Variants in SALL4 observed in about 807,000 individuals in gnomAD.
SALL4 encodes spalt like transcription factor 4, also known as sal-like protein 4.
Under a neutral mutation model 60.8 loss-of-function variants are expected in SALL4, and 4 were observed. The ratio of observed to expected loss-of-function variants is 0.07; its 90% CI spans 0.03 to 0.15. SALL4 has a LOEUF of 0.15. Ranked by LOEUF, SALL4 falls within the 10% of genes least tolerant of loss-of-function variation. The probability of loss-of-function intolerance (pLI) is 1.00; values close to 1 mark genes in which losing one functional copy is unlikely to be tolerated. For missense variants in SALL4, 1,178 were observed against 1,394.7 expected (o/e 0.84, Z 2.48); for synonymous variants, 580 against 574.9 (o/e 1.01, Z -0.13).
rs1192411704 is a variant in SALL4, at chr20:51,790,989, G to A, written c.1494C>T (p.Leu498=). 6.2e-7 allele frequency: 1 copy of A among 1,614,184 alleles called. No individual in the cohort carries two copies. Among genetic ancestry groups the A allele is most frequent in the Non-Finnish European group, 8.5e-7 (1 of 1,180,030 alleles). The change falls in exon 2 of 4, where the codon CTC becomes CTT. Residue 498 remains leucine, a synonymous_variant. Transcript: ENST00000217086. This position sits in a 1 kb window ranked among gnomAD's most constrained non-coding sequence, Gnocchi z 5.5. ...GGTCACCGGGCAAGGAGCCACCCGT[G>A]AGGTCCTTGGGATTAGTCCCCGAAG... ...NLSSGTNPKD[L]TGGSLPGDLQ...
chr20:51,794,583 A>G (rs1346780849), intron 1 of SALL4, among the ~76,000 whole-genome samples: 1 of 152,170 alleles, frequency 6.6e-6, no homozygotes, highest in Non-Finnish European at 1.5e-5. Context: ...TGAAAAAATA[A>G]AGATGTGAAA....
intron 3 of SALL4, among the ~76,000 whole-genome samples, chr20:51,786,288 G>A (rs979560091): frequency 6.6e-6 from 1 of 151,724 alleles, no homozygotes; most frequent in African/African-American, 2.4e-5. Context: ...TAGAGACAGG[G>A]TTTCATCGTG....
Position 51,782,666 on chromosome 20 carries a change from A to G in SALL4, c.*1599T>C, listed in dbSNP as rs1448189349. 1 of 151,940 alleles carries G rather than the reference A, an allele frequency of 6.6e-6. No individual in the cohort carries two copies. The highest frequency in any genetic ancestry group is 2.4e-5 in the African/African-American group (1 of 41,376). The allele number at this position is 151,940 out of a possible 1,614,324, so 9.4% of individuals were successfully genotyped here. Reference sequence around the variant, plus strand: ...GCATATTTCCGTCAGGACCTTCCACATAGAGGGGAAAGACTTTTCTCCCAG... The same window carrying G: ...GCATATTTCCGTCAGGACCTTCCACGTAGAGGGGAAAGACTTTTCTCCCAG... On this transcript the variant is annotated 3_prime_UTR_variant, in exon 4 of 4. Transcript: ENST00000217086.
Position 51,790,910 on chromosome 20 carries a change from C to G in SALL4, c.1573G>C (p.Gly525Arg), listed in dbSNP as rs772560924. The G allele has an allele frequency of 6.2e-7, 1 of 1,614,112 alleles. No homozygotes were observed. Among genetic ancestry groups the G allele is most frequent in the Non-Finnish European group, 8.5e-7 (1 of 1,180,030 alleles). The change falls in exon 2 of 4, where the codon GGA (glycine) becomes CGA (arginine). Residue 525 changes from glycine to arginine, a missense_variant. Around this residue, in one of 5 missense-constraint regions of SALL4, gnomAD observed 853 missense variants for 1,036.8 expected, o/e 0.82. Transcript: ENST00000217086. This position sits in a 1 kb window ranked among gnomAD's most constrained non-coding sequence, Gnocchi z 5.5. ...SEGGPTLPGV[G>R]PNYNSPRAGG... ...GCCCTTGGGGAATTATAGTTTGGTC[C>G]CACCCCAGGGAGTGTGGGTCCACCC... is the stretch of plus-strand genomic sequence containing the variant.
rs2078020389 is a variant in SALL4, at chr20:51,789,693, GT to G, written c.2461+328del. Among the ~76,000 whole-genome samples the G allele has an allele frequency of 2.0e-5, 3 of 152,100 alleles. No homozygotes were observed. The South Asian group carries it at 6.2e-4, about 32-fold the overall frequency. ...TAAGACACCCATATACAGAATCATAGTGTGGAGAAACAAAAAGAAAAAAACT... is the reference window on the plus strand; with the variant it reads ...TAAGACACCCATATACAGAATCATAGGTGGAGAAACAAAAAGAAAAAAACT... On this transcript the variant is annotated intron_variant, in intron 2 of 3. Transcript: ENST00000217086.
In SALL4 at chr20:51,791,418, T is replaced by C. The variant is rs146118858; in HGVS notation, c.1065A>G (p.Thr355=). The C allele has an allele frequency of 1.9e-6, 3 of 1,614,060 alleles. No individual in the cohort carries two copies. The African/African-American group carries it at 4.0e-5, about 22-fold the overall frequency. Residue 355 remains threonine, a synonymous_variant, in exon 2 of 4, where the codon ACA becomes ACG. Coordinates refer to ENST00000217086, the MANE Select transcript of SALL4 (RefSeq NM_020436.5). This position sits in a 1 kb window ranked among gnomAD's most constrained non-coding sequence, Gnocchi z 4.6. ...QSPFSTVALD[T]SKKGKGKPPN... ...GTGGCTTCCCCTTCCCTTTCTTGGA[T>C]GTGTCTAGCGCCACAGTGGAGAAAG...
rs753320334 is a variant in SALL4, at chr20:51,784,443, AC to A, written c.2983del (p.Val995PhefsTer14). 1.9e-6 allele frequency: 3 copies of A among 1,613,896 alleles called. No individual in the cohort carries two copies. Among genetic ancestry groups the A allele is most frequent in the Non-Finnish European group, 1.7e-6 (2 of 1,179,958 alleles). On this transcript the variant is annotated frameshift_variant, in exon 4 of 4. Coordinates refer to ENST00000217086, the MANE Select transcript of SALL4 (RefSeq NM_020436.5). LOFTEE classifies it low-confidence loss of function (END_TRUNC). ...NEISVIQSGG[V>X]PTLPVSLGAT... ...CCCCAAGGAAACCGGGAGGGTAGGAACCCCCCCACTCTGGATCACAGAGATC... is the reference window on the plus strand; with the variant it reads ...CCCCAAGGAAACCGGGAGGGTAGGAACCCCCCACTCTGGATCACAGAGATC...
chr20:51,791,700 G>A lies in SALL4; in HGVS notation c.783C>T (p.Gly261=). The change falls in exon 2 of 4, where the codon GGC becomes GGT. Residue 261 remains glycine, a synonymous_variant. Coordinates refer to ENST00000217086, the MANE Select transcript of SALL4 (RefSeq NM_020436.5). This position sits in a 1 kb window ranked among gnomAD's most constrained non-coding sequence, Gnocchi z 4.6. ...GAGADTLKTL[G]SHMSQQVSAA... ...CAGAAACCTGCTGAGACATGTGGCT[G>A]CCCAAGGTCTTCAGAGTGTCGGCCC... 1.2e-6 allele frequency: 2 copies of A among 1,614,190 alleles called. No homozygotes were observed. The highest frequency in any genetic ancestry group is 2.2e-5 in the South Asian group (2 of 91,090).
chr20:51,782,550 C>CAAAAAAAAA lies in SALL4; in HGVS notation c.*1706_*1714dup, dbSNP rs35289382. 1 of 56,384 alleles carries CAAAAAAAAA rather than the reference C, an allele frequency of 1.8e-5. No homozygotes were observed. The highest frequency in any genetic ancestry group is 3.7e-5 in the Non-Finnish European group (1 of 26,704). 3.5% of individuals were successfully genotyped at this position (56,384 alleles called of 1,614,324 possible). A position where few individuals can be genotyped will look rare whatever the true frequency, so the allele number is the denominator to read the frequency against. ...TTCCAGAAGGAAAGGCACAACTTGG[C>CAAAAAAAAA]AAAAAAAAAAAAAAAAAAAAAAAAG... On this transcript the variant is annotated 3_prime_UTR_variant, in exon 4 of 4. Transcript: ENST00000217086.
rs59892993 is a variant in SALL4 at position 51,797,223 on chromosome 20, A to G, written c.131-4871T>C. On this transcript the variant is annotated intron_variant, in intron 1 of 3. Transcript: ENST00000217086. ...ATCTGACAGGCTACTAGATCTTGTT[A>G]TTTATTGTATTAATAAAGTAGCTGA... 5.0e-3 allele frequency among the ~76,000 whole-genome samples: 759 copies of G among 151,734 alleles called. 9 individuals carry two copies. Among genetic ancestry groups the G allele is most frequent in the African/African-American group, 0.016 (674 of 41,348 alleles).
intron 1 of SALL4, among the ~76,000 whole-genome samples, chr20:51,799,227 T>C (rs1313608436): frequency 6.6e-6 from 1 of 152,178 alleles, no homozygotes; most frequent in Non-Finnish European, 1.5e-5. Context: ...GTTGAAATTA[T>C]CTAAACAGGG....
In SALL4 at chr20:51,802,438, G is replaced by A; in HGVS notation, c.-30C>T. The A allele has an allele frequency of 6.2e-7, 1 of 1,612,320 alleles. No individual in the cohort carries two copies. The highest frequency in any genetic ancestry group is 2.2e-5 in the East Asian group (1 of 44,852). ...CGAGCATCGGGGCGCCGGGAGAGCCGCAGTTATTTGCCCTCTCCGCCACAA... is the reference window on the plus strand; with the variant it reads ...CGAGCATCGGGGCGCCGGGAGAGCCACAGTTATTTGCCCTCTCCGCCACAA... On this transcript the variant is annotated 5_prime_UTR_variant, in exon 1 of 4. Coordinates refer to ENST00000217086, the MANE Select transcript of SALL4 (RefSeq NM_020436.5).
At position 51,791,811 on chromosome 20, in the gene SALL4, C is replaced by T; in HGVS notation, c.672G>A (p.Gln224=). ...CGGTGAGCTGGATCTGCTGTAGCTG[C>T]TGCTGCTGCAGACACAAGATCTGCT... is the stretch of plus-strand genomic sequence containing the variant. The part of the protein sequence containing the change: ...VLEQILCLQQ[Q]QLQQIQLTEQ... Residue 224 remains glutamine (Q), a synonymous_variant, in exon 2 of 4, where the codon CAG becomes CAA. Transcript: ENST00000217086. This position sits in a 1 kb window ranked among gnomAD's most constrained non-coding sequence, Gnocchi z 4.6. 1 of 1,614,124 alleles carries T rather than the reference C, an allele frequency of 6.2e-7. No homozygotes were observed. Among genetic ancestry groups the T allele is most frequent in the Non-Finnish European group, 8.5e-7 (1 of 1,180,040 alleles).
At chr20:51,784,822 A>G in intron 3 of SALL4, 138 bp from the exon 4 acceptor site, 5 of 966,706 alleles carry the variant, frequency 5.2e-6, no homozygotes, top group Non-Finnish European at 8.1e-6. Context: ...CAGCGGGGTT[A>G]TGCCCAGATA....
Position 51,791,233 on chromosome 20 carries a change from T to A in SALL4, c.1250A>T (p.His417Leu). The A allele has an allele frequency of 6.2e-7, 1 of 1,614,060 alleles. No individual in the cohort carries two copies. Among genetic ancestry groups the A allele is most frequent in the Non-Finnish European group, 8.5e-7 (1 of 1,180,010 alleles). ...GAGGTTGCCCTTGGTGGTGAAGCGA[T>A]GACCACAGACAGAGCACACGAAGGG... Reference protein sequence around the residue: ...ERPFVCSVCGHRFTTKGNLKV... With the variant: ...ERPFVCSVCGLRFTTKGNLKV... Residue 417 changes from histidine to leucine, a missense_variant, in exon 2 of 4, where the codon CAT becomes CTT. Coordinates refer to ENST00000217086, the MANE Select transcript of SALL4 (RefSeq NM_020436.5). This position sits in a 1 kb window ranked among gnomAD's most constrained non-coding sequence, Gnocchi z 4.6.
chr20:51,789,350 T>G (rs1437621762), intron 2 of SALL4, among the ~76,000 whole-genome samples: 1 of 151,936 alleles, frequency 6.6e-6, no homozygotes, highest in Non-Finnish European at 1.5e-5. Flanking sequence ...ACTTTGGGTT[T>G]TTTTTTTTTA....
chr20:51,790,099 G>A lies in SALL4; in HGVS notation c.2384C>T (p.Ala795Val), dbSNP rs1301332324. ...FQALSPANSQ[A>V]ESIKSKSPDA... ...GGGAGACTTTGACTTGATGCTTTCG[G>A]CTTGACTATTGGCCGGGGAGAGTGC... The change falls in exon 2 of 4, where the codon GCC becomes GTC. Residue 795 changes from alanine to valine, a missense_variant. Around this residue, in one of 5 missense-constraint regions of SALL4, gnomAD observed 853 missense variants for 1,036.8 expected, o/e 0.82. Coordinates refer to ENST00000217086, the MANE Select transcript of SALL4 (RefSeq NM_020436.5). This position sits in a 1 kb window ranked among gnomAD's most constrained non-coding sequence, Gnocchi z 5.5. 6 of 1,614,044 alleles carry A rather than the reference G, an allele frequency of 3.7e-6. No individual in the cohort carries two copies. Among genetic ancestry groups the A allele is most frequent in the Admixed American group, 3.3e-5 (2 of 60,000 alleles).
rs189552205 is a variant in SALL4 at position 51,784,278 on chromosome 20, A to G, written c.3149T>C (p.Ile1050Thr). 49 of 1,614,024 alleles carry G rather than the reference A, an allele frequency of 3.0e-5. No individual in the cohort carries two copies. In the East Asian group the frequency reaches 1.1e-3, roughly 36 times the overall value. ...GCAAGTTCTCCCTTAGCTGACCGCA[A>G]TCTTGTTTTCTTCCAGGAAGTGAGG... ...QFPHFLEENK[I>T]AVS Residue 1050 changes from isoleucine to threonine, a missense_variant, in exon 4 of 4, where the codon ATT becomes ACT. By Grantham distance (89) the Ile-to-Thr change is moderately conservative (BLOSUM62 -1). Around this residue, in one of 5 missense-constraint regions of SALL4, gnomAD observed 174 missense variants for 169.6 expected, o/e 1.03. Transcript: ENST00000217086.
At position 51,788,102 on chromosome 20, in the gene SALL4, G is replaced by C. The variant is rs1459551618; in HGVS notation, c.2742+759C>G. ...GCCTCTCAAAGTACTCAGATTATGG[G>C]TGCTGAGCCACTGCACCCAGGTAGT... On this transcript the variant is annotated intron_variant, in intron 3 of 3. Coordinates refer to ENST00000217086, the MANE Select transcript of SALL4 (RefSeq NM_020436.5). The surrounding 1 kb of genome is among the most constrained non-coding windows in gnomAD (Gnocchi z 4.1). Among the ~76,000 whole-genome samples the C allele has an allele frequency of 6.6e-6, 1 of 151,776 alleles. No homozygotes were observed. Among genetic ancestry groups the C allele is most frequent in the Admixed American group, 6.6e-5 (1 of 15,222 alleles).
Sources: allele counts gnomAD v4.1 joint callset (sites outside exome capture counted in the v4.1 genomes callset), GRCh38; gene constraint gnomAD v4.1.1; regional missense constraint gnomAD v4.1.1; non-coding constraint Gnocchi (gnomAD v3.1); transcripts MANE v1.5; gene names NCBI Gene and HGNC (gene_info 2026-07-23, HGNC 2026-07-21).